Variants in KSR2 observed in about 807,000 individuals in gnomAD.
KSR2 encodes the protein kinase suppressor of ras 2.
In KSR2, 25 loss-of-function variants were observed where a neutral mutation model predicts 107.8. The ratio of observed to expected loss-of-function variants is 0.23; its 90% confidence interval spans 0.17 to 0.32. The LOEUF is 0.32. KSR2 is among the 10% of genes least tolerant of loss of function. KSR2 has a pLI of 1.00. For synonymous variants in KSR2, 480 were observed against 507.0 expected (o/e 0.95, Z 0.71); for missense variants, 887 against 1,268.9 (o/e 0.70, Z 4.57).
intron 1 of KSR2, among the ~76,000 whole-genome samples, chr12:117,930,875 C>T (rs2137496854): frequency 6.6e-6 from 1 of 152,232 alleles, no homozygotes; most frequent in South Asian, 2.1e-4. Flanking sequence ...GATTGCACCA[C>T]CGCACTCCAG....
intron 3 of KSR2, among the ~76,000 whole-genome samples, chr12:117,806,576 C>T (rs193015943): frequency 2.6e-5 from 4 of 152,300 alleles, no homozygotes; most frequent in South Asian, 2.1e-4. Context: ...TTACAGTCAA[C>T]AATGTGGTGC....
At chr12:117,656,965 T>TATATATATATATATATATAATATGAG (rs1884191691) in intron 5 of KSR2, among the ~76,000 whole-genome samples, 1 of 109,844 alleles carries the variant, frequency 9.1e-6, no homozygotes. Flanking sequence ...TATAATAGGA[T>TATATATATATATATATATAATATGAG]ATATATATAT....
Position 117,825,544 on chromosome 12 carries a change from A to G in KSR2, c.472+29884T>C, listed in dbSNP as rs557020998. Among the ~76,000 whole-genome samples, 29 of 152,288 alleles carry G rather than the reference A, an allele frequency of 1.9e-4. No individual in the cohort carries two copies. The South Asian group carries it at 3.7e-3, about 20-fold the overall frequency. On this transcript the variant is annotated intron_variant, in intron 3 of 19. Transcript: ENST00000339824. The stretch of plus-strand genomic sequence containing the variant: ...CTCTCCTTTGCAGTCTTCAGATCTC[A>G]GTTCAATATTACTTTGTCAGGAAGA...
chr12:117,672,473 C>A (rs1884951317), intron 4 of KSR2, among the ~76,000 whole-genome samples: 1 of 152,120 alleles, frequency 6.6e-6, no homozygotes, highest in African/African-American at 2.4e-5. Flanking sequence ...ACAAGCTTGG[C>A]AGGGGACCCA....
intron 3 of KSR2, among the ~76,000 whole-genome samples, chr12:117,772,612 T>A (rs374955807): frequency 0.014 from 1,515 of 111,276 alleles, 36 homozygotes; most frequent in African/African-American, 0.05. Context: ...CACACACACA[T>A]ACACACCATT....
At chr12:117,773,788 G>C (rs1336664546) in intron 3 of KSR2, among the ~76,000 whole-genome samples, 2 of 152,162 alleles carry the variant, frequency 1.3e-5, no homozygotes, top group African/African-American at 4.8e-5. Context: ...TTAGACACTG[G>C]TTGAAAATAT....
intron 4 of KSR2, among the ~76,000 whole-genome samples, chr12:117,730,405 T>C (rs552316664): frequency 6.6e-6 from 1 of 152,120 alleles, no homozygotes; most frequent in East Asian, 1.9e-4. Flanking sequence ...ATTATTATTA[T>C]TATAAAAGTG....
intron 4 of KSR2, among the ~76,000 whole-genome samples, chr12:117,724,786 C>T (rs1391436831): frequency 6.6e-6 from 1 of 151,698 alleles, no homozygotes; most frequent in Non-Finnish European, 1.5e-5. Flanking sequence ...AGTGTTCAGT[C>T]CTGGCTTGAT....
intron 4 of KSR2, among the ~76,000 whole-genome samples, chr12:117,727,478 AAGGAGGAGGAAG>A (rs1887478731): frequency 7.4e-6 from 1 of 135,726 alleles, no homozygotes; most frequent in Non-Finnish European, 1.7e-5. Flanking sequence ...GAGAAAGAAG[AAGGAGGAGGAAG>A]AGGAGGAGGA....
intron 1 of KSR2, among the ~76,000 whole-genome samples, chr12:117,930,461 TG>T (rs1232417181): frequency 6.6e-6 from 1 of 152,204 alleles, no homozygotes; most frequent in Non-Finnish European, 1.5e-5. Flanking sequence ...TCCATGAGGC[TG>T]GGCCAGGTCC....
At chr12:117,880,149 A>AAAACAAAC (rs770894846) in intron 1 of KSR2, among the ~76,000 whole-genome samples, 7 of 152,228 alleles carry the variant, frequency 4.6e-5, no homozygotes, top group Admixed American at 6.5e-5. Flanking sequence ...TCCATCTCAA[A>AAAACAAAC]AAACAAACAA....
Position 117,481,470 on chromosome 12 carries a change from T to C in KSR2, c.2450+2946A>G, listed in dbSNP as rs563633440. Among the ~76,000 whole-genome samples, 61 of 152,264 alleles carry C rather than the reference T, an allele frequency of 4.0e-4. No individual in the cohort carries two copies. In the South Asian group the frequency reaches 0.012, roughly 31 times the overall value. On this transcript the variant is annotated intron_variant, in intron 16 of 19. Coordinates refer to ENST00000339824, the MANE Select transcript of KSR2 (RefSeq NM_173598.6). ...CTTTCGGTGCACAGAGAAGAGGCCA[T>C]ATGAGGACACAGTAAGAAGGTGGCC...
chr12:117,857,185 A>G (rs1893131854), intron 2 of KSR2, among the ~76,000 whole-genome samples: 1 of 152,256 alleles, frequency 6.6e-6, no homozygotes, highest in East Asian at 1.9e-4. Context: ...CAGTCTCCTG[A>G]GTAGCTGGGA....
intron 1 of KSR2, among the ~76,000 whole-genome samples, chr12:117,934,458 GA>G (rs1895782914): frequency 6.6e-6 from 1 of 152,188 alleles, no homozygotes; most frequent in African/African-American, 2.4e-5. Flanking sequence ...CCACCGTAAG[GA>G]AAGGCTGTTT....
At chr12:117,535,451 CAGGAGAGA>C (rs1875975512) in intron 10 of KSR2, among the ~76,000 whole-genome samples, 3 of 152,124 alleles carry the variant, frequency 2.0e-5, no homozygotes, top group African/African-American at 7.2e-5. Flanking sequence ...AAGAGGCACT[CAGGAGAGA>C]CTGATGGAAA....
intron 14 of KSR2, among the ~76,000 whole-genome samples, chr12:117,490,451 C>T (rs547458429): frequency 6.6e-4 from 100 of 152,298 alleles, no homozygotes; most frequent in Middle Eastern, 6.8e-3. Flanking sequence ...TGCTGTATCT[C>T]GTTGATTCCA....
rs181151952 is a variant in KSR2, at chr12:117,889,563, G to A, written c.181-29132C>T. 250 of 152,236 alleles carry A rather than the reference G, an allele frequency of 1.6e-3. 1 individual carries two copies. Among genetic ancestry groups the A allele is most frequent in the African/African-American group, 5.7e-3 (237 of 41,528 alleles). The allele number at this position is 152,236 out of a possible 1,614,324, so 9.4% of individuals were successfully genotyped here. The stretch of plus-strand genomic sequence containing the variant: ...GACTATTTTTAAATAACGAGACGTG[G>A]GGCCATAGTGTCAGCACAGTCAAAA... On this transcript the variant is annotated intron_variant, in intron 1 of 19. Transcript: ENST00000339824.
chr12:117,604,637 T>A (rs1424919893), intron 5 of KSR2, among the ~76,000 whole-genome samples: 1 of 152,178 alleles, frequency 6.6e-6, no homozygotes, highest in African/African-American at 2.4e-5. Context: ...ACCCACAGTT[T>A]TCCTAATTTT....
At chr12:117,697,639 C>T (rs1420976664) in intron 4 of KSR2, among the ~76,000 whole-genome samples, 1 of 151,054 alleles carries the variant, frequency 6.6e-6, no homozygotes, top group Non-Finnish European at 1.5e-5. Flanking sequence ...ACTCAGAAGG[C>T]TGAGGCAGGT....
Sources: allele counts gnomAD v4.1 joint callset (sites outside exome capture counted in the v4.1 genomes callset), GRCh38; gene constraint gnomAD v4.1.1; transcripts MANE v1.5; gene names NCBI Gene and HGNC (gene_info 2026-07-23, HGNC 2026-07-21).